FBXO25: variants seen among roughly 807,000 people sequenced by gnomAD.
FBXO25 encodes F-box protein 25.
Under a neutral mutation model 51.9 loss-of-function variants are expected in FBXO25, and 45 were observed. That is an observed-to-expected ratio of 0.87 (90% CI 0.68 to 1.11). FBXO25 has a LOEUF of 1.11. FBXO25 is among the 50% of genes most tolerant of loss of function. The probability of loss-of-function intolerance (pLI) is 0.00; values close to 1 mark genes in which losing one functional copy is unlikely to be tolerated. For missense variants in FBXO25, 507 were observed against 428.5 expected (o/e 1.18, Z -1.62); for synonymous variants, 199 against 151.0 (o/e 1.32, Z -2.33).
At chr8:468,572 T>G in intron 9 of FBXO25, 143 bp from the exon 10 acceptor site, 1 of 617,374 alleles carries the variant, frequency 1.6e-6, no homozygotes, top group Non-Finnish European at 2.8e-6. Context: ...GTGTTGGTCA[T>G]TCTCATCCAA....
At chr8:414,735 C>T (rs1407626265) in intron 2 of FBXO25, among the ~76,000 whole-genome samples, 1 of 152,204 alleles carries the variant, frequency 6.6e-6, no homozygotes, top group Non-Finnish European at 1.5e-5. Context: ...GAACCAATGG[C>T]TGCTAACACA....
intron 1 of FBXO25, among the ~76,000 whole-genome samples, chr8:412,066 T>C (rs1264523463): frequency 2.6e-5 from 4 of 152,232 alleles, no homozygotes; most frequent in African/African-American, 7.2e-5. Flanking sequence ...TGGGAAGAAC[T>C]AGCATTTGAA....
chr8:438,576 A>C (rs1345500651), intron 5 of FBXO25, among the ~76,000 whole-genome samples: 2 of 152,236 alleles, frequency 1.3e-5, no homozygotes, highest in South Asian at 4.1e-4. Flanking sequence ...AGTTTGAGCC[A>C]GATGTCCTGT....
intron 1 of FBXO25, 68 bp from the exon 2 acceptor site, chr8:413,005 A>G (rs1220970504): frequency 1.8e-6 from 2 of 1,130,358 alleles, no homozygotes; most frequent in Non-Finnish European, 2.4e-6. Context: ...AAATTAATAA[A>G]TGTTCTAAGT....
Position 469,058 on chromosome 8 carries a change from C to T in FBXO25, c.*254C>T, listed in dbSNP as rs1800380858. ...ATTAAAATGTGAAATTTTGCGTACT[C>T]TCTCTCTCTATATATATAGTTCAAA... On this transcript the variant is annotated 3_prime_UTR_variant, in exon 10 of 10. Coordinates refer to ENST00000350302, the MANE Select transcript of FBXO25 (RefSeq NM_183420.2). 32 of 448,454 alleles carry T rather than the reference C, an allele frequency of 7.1e-5. No homozygotes were observed. The South Asian group carries it at 1.1e-3, about 15-fold the overall frequency. 27.8% of individuals were successfully genotyped at this position (448,454 alleles called of 1,614,324 possible). A position where few individuals can be genotyped will look rare whatever the true frequency, so the allele number is the denominator to read the frequency against.
Position 474,626 on chromosome 8 carries a change from C to T in FBXO25, c.*5822C>T, listed in dbSNP as rs1409394431. The T allele has an allele frequency of 3.6e-5, 15 of 420,290 alleles. No homozygotes were observed. Among genetic ancestry groups the T allele is most frequent in the Non-Finnish European group, 7.0e-5 (15 of 213,244 alleles). The allele number at this position is 420,290 out of a possible 1,614,324, so 26.0% of individuals were successfully genotyped here. A position where few individuals can be genotyped will look rare whatever the true frequency, so the allele number is the denominator to read the frequency against. On this transcript the variant is annotated 3_prime_UTR_variant, in exon 10 of 10. Transcript: ENST00000350302. ...ATTTTGATTTGCATTTCCGTAATGA[C>T]TGGTGATGCTGAGTATCTGTTTGTT...
intron 7 of FBXO25, among the ~76,000 whole-genome samples, chr8:455,446 C>T (rs899061735): frequency 2.6e-5 from 4 of 152,174 alleles, no homozygotes; most frequent in Non-Finnish European, 5.9e-5. Context: ...TTCAGTGACT[C>T]ACCACATATT....
intron 5 of FBXO25, among the ~76,000 whole-genome samples, chr8:443,547 GA>G (rs1396458663): frequency 6.6e-6 from 1 of 151,232 alleles, no homozygotes; most frequent in Non-Finnish European, 1.5e-5. Flanking sequence ...AGAGAAAAGG[GA>G]CAACCCCAAA....
intron 1 of FBXO25, among the ~76,000 whole-genome samples, chr8:411,898 C>T (rs943386673): frequency 2.0e-5 from 3 of 152,124 alleles, no homozygotes; most frequent in African/African-American, 7.2e-5. Context: ...ACCTGTGGAC[C>T]TTTAAAAACT....
rs1463224948 is a variant in FBXO25 at position 423,664 on chromosome 8, GTA to G, written c.135-7676_135-7675del. Among the ~76,000 whole-genome samples, 13 of 152,274 alleles carry G rather than the reference GTA, an allele frequency of 8.5e-5. 1 individual carries two copies. The highest frequency in any genetic ancestry group is 1.9e-4 in the African/African-American group (8 of 41,562). On this transcript the variant is annotated intron_variant, in intron 2 of 9. Coordinates refer to ENST00000350302, the MANE Select transcript of FBXO25 (RefSeq NM_183420.2). Reference sequence around the variant, plus strand: ...CTGTGTAGTATTTCATGATGTATAGGTACCACATTTTCTTTATCCAGTCTACC... The same window carrying G: ...CTGTGTAGTATTTCATGATGTATAGGCCACATTTTCTTTATCCAGTCTACC...
In FBXO25 at chr8:436,657, G is replaced by A. The variant is rs1265744514; in HGVS notation, c.381+950G>A. The stretch of plus-strand genomic sequence containing the variant: ...ACACACTGGCCAGCAGGGTGTCCTC[G>A]ATAGGTACCTTTCTTATAGATGATG... On this transcript the variant is annotated intron_variant, in intron 5 of 9. Transcript: ENST00000350302. Among the ~76,000 whole-genome samples the A allele has an allele frequency of 7.2e-5, 11 of 152,224 alleles. No individual in the cohort carries two copies. The East Asian group carries it at 1.7e-3, about 24-fold the overall frequency.
At chr8:412,297 C>G (rs1365203507) in intron 1 of FBXO25, among the ~76,000 whole-genome samples, 1 of 152,144 alleles carries the variant, frequency 6.6e-6, no homozygotes, top group Non-Finnish European at 1.5e-5. Flanking sequence ...ATCTAGATAA[C>G]TTCCTTGATT....
At chr8:407,558 C>G (rs1374283806) in intron 1 of FBXO25, 2 of 573,546 alleles carry the variant, frequency 3.5e-6, no homozygotes, top group Non-Finnish European at 4.4e-6. Context: ...CTTCCCGCCC[C>G]CACCCTCCTG....
In FBXO25 at chr8:469,846, TAATA is replaced by T. The variant is rs1249439123; in HGVS notation, c.*1045_*1048del. The T allele has an allele frequency of 2.0e-5, 3 of 152,078 alleles. No individual in the cohort carries two copies. Among genetic ancestry groups the T allele is most frequent in the Non-Finnish European group, 4.4e-5 (3 of 68,004 alleles). 9.4% of individuals were successfully genotyped at this position (152,078 alleles called of 1,614,324 possible). The stretch of plus-strand genomic sequence containing the variant: ...TTTCTACTTTTTCCTTTAAGCATAA[TAATA>T]AAAGTATACTTTTATGGCGTTATAA... On this transcript the variant is annotated 3_prime_UTR_variant, in exon 10 of 10. Coordinates refer to ENST00000350302, the MANE Select transcript of FBXO25 (RefSeq NM_183420.2).
At chr8:455,758 T>C (rs984800654) in intron 7 of FBXO25, among the ~76,000 whole-genome samples, 4 of 152,188 alleles carry the variant, frequency 2.6e-5, no homozygotes, top group Non-Finnish European at 5.9e-5. Flanking sequence ...AGAGATTTCA[T>C]GATGGCAGAG....
intron 5 of FBXO25, among the ~76,000 whole-genome samples, chr8:448,361 G>T (rs574847415): frequency 2.0e-5 from 3 of 152,324 alleles, no homozygotes; most frequent in African/African-American, 7.2e-5. Context: ...CCCAATGGCT[G>T]AACAAACATG....
rs1027137171 is a variant in FBXO25, at chr8:476,985, A to G, written c.*8181A>G. ...GCTTTGACTGTACCTGTTTTTTTGT[A>G]TATTACATTTTTCATTTACCACAAG... On this transcript the variant is annotated 3_prime_UTR_variant, in exon 10 of 10. Transcript: ENST00000350302. 9 of 130,332 alleles carry G rather than the reference A, an allele frequency of 6.9e-5. No homozygotes were observed. The highest frequency in any genetic ancestry group is 4.7e-4 in the South Asian group (2 of 4,282). 8.1% of individuals were successfully genotyped at this position (130,332 alleles called of 1,614,324 possible). A position where few individuals can be genotyped will look rare whatever the true frequency, so the allele number is the denominator to read the frequency against.
intron 6 of FBXO25, chr8:450,678 A>T (rs1283799460): frequency 6.6e-6 from 1 of 152,304 alleles, no homozygotes; most frequent in Non-Finnish European, 1.5e-5. Context: ...AGTTTTAAGA[A>T]ATCTCATATT....
At chr8:434,669 A>G (rs937509919) in intron 4 of FBXO25, among the ~76,000 whole-genome samples, 3 of 152,074 alleles carry the variant, frequency 2.0e-5, no homozygotes, top group Non-Finnish European at 4.4e-5. Flanking sequence ...CATGTTTTCT[A>G]TTATTTTTTT....
Sources: allele counts gnomAD v4.1 joint callset (sites outside exome capture counted in the v4.1 genomes callset), GRCh38; gene constraint gnomAD v4.1.1; transcripts MANE v1.5; gene names NCBI Gene and HGNC (gene_info 2026-07-23, HGNC 2026-07-21).